Variants in SNX15 observed in about 807,000 individuals in gnomAD.
SNX15 encodes sorting nexin 15, also known as sorting nexin-15.
SNX15 carries 29 observed loss-of-function variants against 35.2 expected under a neutral mutation model. The ratio of observed to expected loss-of-function variants is 0.82; its 90% CI spans 0.61 to 1.12. The LOEUF (loss-of-function observed/expected upper bound fraction) is 1.12. SNX15 is among the 50% of genes most tolerant of loss of function. The pLI is 0.00. For synonymous variants in SNX15, 189 were observed against 188.2 expected, an observed-to-expected ratio of 1.00 and a Z score of -0.03; for missense variants, 400 against 451.5, an observed-to-expected ratio of 0.89 and a Z score of 1.03.
intron 6 of SNX15, chr11:65,037,787 A>C (rs934583611): frequency 5.3e-5 from 8 of 152,198 alleles, no homozygotes; most frequent in Non-Finnish European, 1.0e-4. Context: ...TGAGCAATAC[A>C]TGGAGGGCTG....
intron 1 of SNX15, among the ~76,000 whole-genome samples, chr11:65,030,573 A>G (rs1423255471): frequency 1.4e-5 from 2 of 146,170 alleles, no homozygotes; most frequent in Non-Finnish European, 3.0e-5. Context: ...ATCTCAGCTC[A>G]CTGCAACCTC....
In SNX15 at chr11:65,035,183, G is replaced by T; in HGVS notation, c.497G>T (p.Gly166Val). ...CAACTGCTCCCTGCAGAAAGGAGGG[G>T]CCTCGAGGAATTGGAGGTGCCAGGT... ...LSQLLPAERR[G>V]LEELEVPVDP... The change falls in exon 5 of 8, where the codon GGC (glycine) becomes GTC (valine). Residue 166 changes from glycine to valine, a missense_variant. By Grantham distance (109) the Gly-to-Val change is moderately radical. Transcript: ENST00000377244. 2 of 1,591,346 alleles carry T rather than the reference G, an allele frequency of 1.3e-6. No homozygotes were observed. The highest frequency in any genetic ancestry group is 1.7e-6 in the Non-Finnish European group (2 of 1,171,024).
intron 1 of SNX15, among the ~76,000 whole-genome samples, chr11:65,030,046 C>A (rs1946423566): frequency 6.6e-6 from 1 of 152,140 alleles, no homozygotes; most frequent in African/African-American, 2.4e-5. Context: ...TACCACTACG[C>A]CTAGCTCAAT....
intron 1 of SNX15, among the ~76,000 whole-genome samples, chr11:65,029,225 C>T (rs578248182): frequency 6.6e-6 from 1 of 151,958 alleles, no homozygotes; most frequent in South Asian, 2.1e-4. Flanking sequence ...GTGACTCGAT[C>T]TCAGCTCACT....
intron 3 of SNX15, 51 bp downstream of exon 3, chr11:65,032,602 A>T: frequency 1.2e-6 from 2 of 1,610,636 alleles, no homozygotes; most frequent in East Asian, 4.5e-5. Flanking sequence ...AGCATTGGGC[A>T]AAAGGGGACC....
At chr11:65,029,212 G>T (rs919139163) in intron 1 of SNX15, among the ~76,000 whole-genome samples, 9 of 151,800 alleles carry the variant, frequency 5.9e-5, no homozygotes, top group African/African-American at 2.2e-4. Context: ...AGACTGGAGT[G>T]AAGTGACTCG....
At chr11:65,035,471 G>A in intron 5 of SNX15, 49 bp from the exon 6 acceptor site, 1 of 1,530,306 alleles carries the variant, frequency 6.5e-7, no homozygotes. Context: ...TATTTTGAAA[G>A]CTGAGAAATA....
At chr11:65,037,893 C>T (rs1433113120) in intron 6 of SNX15, 1 of 152,310 alleles carries the variant, frequency 6.6e-6, no homozygotes, top group East Asian at 1.9e-4. Flanking sequence ...GAGAGGCACC[C>T]ACTTTTTCCC....
At chr11:65,027,764 G>A (rs754762691) in intron 1 of SNX15, 128 bp downstream of exon 1, 1 of 696,476 alleles carries the variant, frequency 1.4e-6, no homozygotes, top group Non-Finnish European at 2.5e-6. Flanking sequence ...TTTAAGGGGA[G>A]GTTGCAGTAC....
At chr11:65,029,726 GCCA>G (rs1249182408) in intron 1 of SNX15, among the ~76,000 whole-genome samples, 4 of 149,644 alleles carry the variant, frequency 2.7e-5, no homozygotes, top group Non-Finnish European at 5.9e-5. Context: ...ATAGGCGTGT[GCCA>G]CCACACCCGG....
intron 7 of SNX15, among the ~76,000 whole-genome samples, chr11:65,039,254 C>T (rs1205441616): frequency 1.3e-4 from 19 of 150,880 alleles, no homozygotes; most frequent in Non-Finnish European, 1.9e-4. Flanking sequence ...GACAGAGTCT[C>T]GCTCTGTCGC....
chr11:65,038,522 C>T, intron 6 of SNX15, 50 bp from the exon 7 acceptor site: 2 of 1,500,954 alleles, frequency 1.3e-6, no homozygotes, highest in Non-Finnish European at 1.8e-6. Context: ...GGCAGAGGGC[C>T]TGGGAAAGGA....
At chr11:65,030,949 C>T (rs2136928425) in intron 1 of SNX15, among the ~76,000 whole-genome samples, 1 of 152,292 alleles carries the variant, frequency 6.6e-6, no homozygotes, top group Non-Finnish European at 1.5e-5. Flanking sequence ...GCCTCCATTT[C>T]CTCATCTCTT....
chr11:65,027,520 C>T lies in SNX15; in HGVS notation c.-18C>T. Reference sequence around the variant, plus strand: ...AGGAGGTGGAGGCCGGCGCTCCGCTCCGCTCCAGCTCGGTTTCATGTCCCG... The same window carrying T: ...AGGAGGTGGAGGCCGGCGCTCCGCTTCGCTCCAGCTCGGTTTCATGTCCCG... On this transcript the variant is annotated 5_prime_UTR_variant, in exon 1 of 8. Transcript: ENST00000377244. 1 of 1,609,728 alleles carries T rather than the reference C, an allele frequency of 6.2e-7. No homozygotes were observed. Among genetic ancestry groups the T allele is most frequent in the African/African-American group, 1.3e-5 (1 of 74,974 alleles).
chr11:65,027,804 G>C (rs1946391789), intron 1 of SNX15, among the ~76,000 whole-genome samples, 168 bp downstream of exon 1: 1 of 152,210 alleles, frequency 6.6e-6, no homozygotes, highest in Non-Finnish European at 1.5e-5. Context: ...TAACCACCAG[G>C]GGGCGGGGTC....
chr11:65,035,075 G>A lies in SNX15; in HGVS notation c.389G>A (p.Arg130Gln), dbSNP rs576005811. Residue 130 changes from arginine (R) to glutamine (Q), a missense_variant, in exon 5 of 8, where the codon CGA becomes CAA. Arg to Gln is a conservative substitution (Grantham distance 43). Transcript: ENST00000377244. ...KEFFRGGEVT[R>Q]PLEVSRDLHI... ...GTCCTGCAGGGTGGGGAGGTGACCC[G>A]ACCCTTGGAGGTGTCCAGGGACCTA... The A allele has an allele frequency of 1.3e-5, 21 of 1,613,132 alleles. No individual in the cohort carries two copies. The highest frequency in any genetic ancestry group is 1.7e-4 in the Middle Eastern group (1 of 6,048).
chr11:65,038,854 G>T (rs754079852), intron 7 of SNX15, 25 bp downstream of exon 7: 6 of 1,526,722 alleles, frequency 3.9e-6, no homozygotes, highest in Non-Finnish European at 5.3e-6. Flanking sequence ...AGGGTGGAGG[G>T]TCAGGCCTGG....
intron 6 of SNX15, chr11:65,036,077 CA>C (rs1946498604): frequency 1.2e-5 from 2 of 160,800 alleles, no homozygotes; most frequent in South Asian, 4.0e-4. Flanking sequence ...AGTGAGTTCT[CA>C]GCTCAAAGGG....
At chr11:65,027,657 T>G in intron 1 of SNX15, 21 bp downstream of exon 1, 2 of 1,580,242 alleles carry the variant, frequency 1.3e-6, no homozygotes, top group Non-Finnish European at 1.7e-6. Context: ...GCCCAGCGCG[T>G]ACTTTACCCT....
Sources: gnomAD v4.1 joint callset for allele counts (sites outside exome capture counted in the v4.1 genomes callset) on GRCh38, gnomAD v4.1.1 for gene constraint, MANE v1.5 for transcripts, NCBI Gene and HGNC (gene_info 2026-07-23, HGNC 2026-07-21) for gene names.